Variants in MLANA observed in about 807,000 individuals in gnomAD.
MLANA encodes the protein melan-A.
MLANA carries 21 observed loss-of-function variants against 15.7 expected under a neutral mutation model. That is an observed-to-expected ratio of 1.33 (90% confidence interval 0.95 to 1.92). The LOEUF is 1.92. Ranked by LOEUF, MLANA falls within the 40% of genes most tolerant of loss-of-function variation. The probability of loss-of-function intolerance (pLI) is 0.00; values close to 1 mark genes in which losing one functional copy is unlikely to be tolerated. For synonymous variants in MLANA, 56 were observed against 51.5 expected, an observed-to-expected ratio of 1.09 and a Z score of -0.37; for missense variants, 164 against 143.8, an observed-to-expected ratio of 1.14 and a Z score of -0.72.
At chr9:5,901,170 G>A (rs1179659735) in intron 3 of MLANA, among the ~76,000 whole-genome samples, 3 of 152,028 alleles carry the variant, frequency 2.0e-5, no homozygotes, top group Non-Finnish European at 2.9e-5. Flanking sequence ...AATTGACAAG[G>A]GCAGTTTTAT....
chr9:5,898,113 G>A (rs1261923305), intron 3 of MLANA: 2 of 159,610 alleles, frequency 1.3e-5, no homozygotes, highest in Non-Finnish European at 2.8e-5. Flanking sequence ...TGGTGAACAT[G>A]AGTCACTGTA....
intron 3 of MLANA, among the ~76,000 whole-genome samples, chr9:5,905,680 C>T (rs1197946991): frequency 1.3e-5 from 2 of 152,198 alleles, no homozygotes; most frequent in African/African-American, 4.8e-5. Flanking sequence ...TACCTAAAAC[C>T]CACCTGTGAC....
intron 3 of MLANA, among the ~76,000 whole-genome samples, chr9:5,902,182 A>G (rs959654185): frequency 6.6e-6 from 1 of 152,174 alleles, no homozygotes; most frequent in Non-Finnish European, 1.5e-5. Context: ...CAATTTTTAT[A>G]ATAGATATAA....
chr9:5,905,960 C>T (rs1832776571), intron 3 of MLANA, among the ~76,000 whole-genome samples: 2 of 152,012 alleles, frequency 1.3e-5, no homozygotes, highest in South Asian at 2.1e-4. Context: ...TGTATCATTG[C>T]TGTTATTAAT....
chr9:5,896,256 A>C (rs527601267), intron 2 of MLANA, among the ~76,000 whole-genome samples: 82 of 152,332 alleles, frequency 5.4e-4, no homozygotes, highest in African/African-American at 1.9e-3. Context: ...ATAAAAGCAT[A>C]TATGTGGGGG....
rs1230395280 is a variant in MLANA at position 5,909,613 on chromosome 9, G to C, written c.*905G>C. On this transcript the variant is annotated 3_prime_UTR_variant, in exon 5 of 5. Transcript: ENST00000381477. ...GCAGTCTAATTACATTTCACTTCAAGGCTCAATGCTATTCTAACTAATGAC... is the reference window on the plus strand; with the variant it reads ...GCAGTCTAATTACATTTCACTTCAACGCTCAATGCTATTCTAACTAATGAC... 1 of 152,128 alleles carries C rather than the reference G, an allele frequency of 6.6e-6. No individual in the cohort carries two copies. Among genetic ancestry groups the C allele is most frequent in the South Asian group, 2.1e-4 (1 of 4,822 alleles). 9.4% of individuals were successfully genotyped at this position (152,128 alleles called of 1,614,324 possible).
At chr9:5,904,976 T>C (rs916403964) in intron 3 of MLANA, among the ~76,000 whole-genome samples, 1 of 152,202 alleles carries the variant, frequency 6.6e-6, no homozygotes, top group Admixed American at 6.5e-5. Flanking sequence ...CATTTCACTG[T>C]GTTAGCCAGG....
In MLANA at chr9:5,901,634, C is replaced by A. The variant is rs183724650; in HGVS notation, c.174+3981C>A. Among the ~76,000 whole-genome samples the A allele has an allele frequency of 2.2e-4, 34 of 152,174 alleles. 3 individuals are homozygous for A. In the East Asian group the frequency reaches 6.6e-3, roughly 29 times the overall value. On this transcript the variant is annotated intron_variant, in intron 3 of 4. Coordinates refer to ENST00000381477, the MANE Select transcript of MLANA (RefSeq NM_005511.2). ...CCCAGGCTCAGGTGATCCTCCCACCCCAGCCTTCCAAGTAGCTGGGACCAC... is the reference window on the plus strand; with the variant it reads ...CCCAGGCTCAGGTGATCCTCCCACCACAGCCTTCCAAGTAGCTGGGACCAC...
chr9:5,908,761 T>C lies in MLANA; in HGVS notation c.*53T>C. On this transcript the variant is annotated 3_prime_UTR_variant, in exon 5 of 5. Coordinates refer to ENST00000381477, the MANE Select transcript of MLANA (RefSeq NM_005511.2). Reference sequence around the variant, plus strand: ...GAAATTATTTCTCTCACACTTTTGCTTGAATTTAATACAGACATCTAATGT... The same window carrying C: ...GAAATTATTTCTCTCACACTTTTGCCTGAATTTAATACAGACATCTAATGT... 1 of 1,502,376 alleles carries C rather than the reference T, an allele frequency of 6.7e-7. No individual in the cohort carries two copies. The highest frequency in any genetic ancestry group is 9.3e-7 in the Non-Finnish European group (1 of 1,078,764). The allele number at this position is 1,502,376 out of a possible 1,614,324, so 93.1% of individuals were successfully genotyped here.
chr9:5,899,375 C>T (rs1440753569), intron 3 of MLANA: 1 of 152,144 alleles, frequency 6.6e-6, no homozygotes, highest in Non-Finnish European at 1.5e-5. Flanking sequence ...TGGGCAGTCT[C>T]ATGTCTCATG....
In MLANA at chr9:5,909,028, A is replaced by G; in HGVS notation, c.*320A>G. On this transcript the variant is annotated 3_prime_UTR_variant, in exon 5 of 5. Transcript: ENST00000381477. Reference sequence around the variant, plus strand: ...TCAAGTGGGTATTCTGGGGCCATCCAATTTCTCTTTACTTGAAATTTGGCT... The same window carrying G: ...TCAAGTGGGTATTCTGGGGCCATCCGATTTCTCTTTACTTGAAATTTGGCT... 3.1e-6 allele frequency: 1 copy of G among 318,296 alleles called. No homozygotes were observed. Among genetic ancestry groups the G allele is most frequent in the Non-Finnish European group, 5.8e-6 (1 of 172,086 alleles). The allele number at this position is 318,296 out of a possible 1,614,324, so 19.7% of individuals were successfully genotyped here. A position where few individuals can be genotyped will look rare whatever the true frequency, so the allele number is the denominator to read the frequency against.
chr9:5,893,680 T>C (rs760583336), intron 2 of MLANA, among the ~76,000 whole-genome samples: 15 of 152,194 alleles, frequency 9.9e-5, no homozygotes, highest in Non-Finnish European at 1.8e-4. Context: ...CAACAGACTC[T>C]TTAAAATATA....
At position 5,892,439 on chromosome 9, in the gene MLANA, C is replaced by T; in HGVS notation, c.-25-11C>T. 6.3e-7 allele frequency: 1 copy of T among 1,592,562 alleles called. No individual in the cohort carries two copies. Among genetic ancestry groups the T allele is most frequent in the Non-Finnish European group, 8.6e-7 (1 of 1,168,750 alleles). Reference sequence around the variant, plus strand: ...GATGCATTAATGATGCCCACATGCTCCTTCTGTTAGGTGTCCTGTGCCCTG... The same window carrying T: ...GATGCATTAATGATGCCCACATGCTTCTTCTGTTAGGTGTCCTGTGCCCTG... On this transcript the variant is annotated splice_polypyrimidine_tract_variant and intron_variant, in intron 1 of 4. Transcript: ENST00000381477.
At chr9:5,892,858 A>G (rs1290914609) in intron 2 of MLANA, among the ~76,000 whole-genome samples, 1 of 152,164 alleles carries the variant, frequency 6.6e-6, no homozygotes, top group African/African-American at 2.4e-5. Flanking sequence ...TCAGGATCAC[A>G]ATGCCTCTCT....
Position 5,909,479 on chromosome 9 carries a change from A to C in MLANA, c.*771A>C, listed in dbSNP as rs535506917. The C allele has an allele frequency of 6.6e-6, 1 of 152,240 alleles. No individual in the cohort carries two copies. The highest frequency in any genetic ancestry group is 2.4e-5 in the African/African-American group (1 of 41,526). The allele number at this position is 152,240 out of a possible 1,614,324, so 9.4% of individuals were successfully genotyped here. A position where few individuals can be genotyped will look rare whatever the true frequency, so the allele number is the denominator to read the frequency against. Reference sequence around the variant, plus strand: ...CTCCATGTTGGTCAGGCTGGTCTCAAACTCCTGACCTCAGGTGATCTGCCC... The same window carrying C: ...CTCCATGTTGGTCAGGCTGGTCTCACACTCCTGACCTCAGGTGATCTGCCC... On this transcript the variant is annotated 3_prime_UTR_variant, in exon 5 of 5. Coordinates refer to ENST00000381477, the MANE Select transcript of MLANA (RefSeq NM_005511.2).
rs1272498226 is a variant in MLANA, at chr9:5,910,023, T to C, written c.*1315T>C. On this transcript the variant is annotated 3_prime_UTR_variant, in exon 5 of 5. Coordinates refer to ENST00000381477, the MANE Select transcript of MLANA (RefSeq NM_005511.2). Reference sequence around the variant, plus strand: ...TAGAGGATAACTATAACAACGAAGATAATGAAAGTAATTTTTTTAACCTAA... The same window carrying C: ...TAGAGGATAACTATAACAACGAAGACAATGAAAGTAATTTTTTTAACCTAA... 1 of 152,180 alleles carries C rather than the reference T, an allele frequency of 6.6e-6. No homozygotes were observed. The highest frequency in any genetic ancestry group is 1.5e-5 in the Non-Finnish European group (1 of 68,026). The allele number at this position is 152,180 out of a possible 1,614,324, so 9.4% of individuals were successfully genotyped here. A position where few individuals can be genotyped will look rare whatever the true frequency, so the allele number is the denominator to read the frequency against.
rs1261890405 is a variant in MLANA, at chr9:5,906,894, C to G, written c.184C>G (p.Leu62Val). 1.9e-6 allele frequency: 3 copies of G among 1,578,838 alleles called. No homozygotes were observed. Among genetic ancestry groups the G allele is most frequent in the Non-Finnish European group, 2.6e-6 (3 of 1,166,412 alleles). The part of the protein sequence containing the change: ...NGYRALMDKS[L>V]HVGTQCALTR... Reference sequence around the variant, plus strand: ...TCAATTTACATTTCAGGATAAAAGTCTTCATGTTGGCACTCAATGTGCCTT... The same window carrying G: ...TCAATTTACATTTCAGGATAAAAGTGTTCATGTTGGCACTCAATGTGCCTT... Residue 62 changes from leucine (L) to valine (V), a missense_variant, in exon 4 of 5, where the codon CTT (leucine) becomes GTT (valine). Transcript: ENST00000381477.
chr9:5,894,636 G>A lies in MLANA; in HGVS notation c.77+2085G>A, dbSNP rs536117730. ...TGCTGGGGAGGGGCATAATGAAGCT[G>A]GCTCTGACAATGCCGGAAAACGAGC... On this transcript the variant is annotated intron_variant, in intron 2 of 4. Transcript: ENST00000381477. The surrounding 1 kb of genome is among the most constrained non-coding windows in gnomAD (Gnocchi z 4.0). 6.6e-6 allele frequency among the ~76,000 whole-genome samples: 1 copy of A among 152,326 alleles called. No individual in the cohort carries two copies. The highest frequency in any genetic ancestry group is 6.5e-5 in the Admixed American group (1 of 15,308).
intron 3 of MLANA, among the ~76,000 whole-genome samples, chr9:5,901,396 C>T (rs769563870): frequency 2.4e-4 from 36 of 152,224 alleles, no homozygotes; most frequent in Middle Eastern, 3.4e-3. Context: ...CTTTATCCCT[C>T]GTTTATTGAG....
Sources: gnomAD v4.1 joint callset for allele counts (sites outside exome capture counted in the v4.1 genomes callset) on GRCh38, gnomAD v4.1.1 for gene constraint, Gnocchi (gnomAD v3.1) non-coding constraint, MANE v1.5 for transcripts, NCBI Gene and HGNC (gene_info 2026-07-23, HGNC 2026-07-21) for gene names.